GABRB1: variants seen among roughly 807,000 people sequenced by gnomAD.
GABRB1 encodes gamma-aminobutyric acid receptor subunit beta-1.
GABRB1 carries 17 observed loss-of-function variants against 51.6 expected under a neutral mutation model. The ratio of observed to expected loss-of-function variants is 0.33; its 90% confidence interval spans 0.23 to 0.49. GABRB1 has a LOEUF of 0.49. Ranked by LOEUF, GABRB1 falls within the 20% of genes least tolerant of loss-of-function variation. The pLI is 0.99. For synonymous variants in GABRB1, 247 were observed against 218.9 expected, an observed-to-expected ratio of 1.13 and a Z score of -1.14; for missense variants, 410 against 600.6, an observed-to-expected ratio of 0.68 and a Z score of 3.32.
chr4:47,162,117 T>C (rs1717980987), intron 4 of GABRB1, among the ~76,000 whole-genome samples: 1 of 152,084 alleles, frequency 6.6e-6, no homozygotes, highest in Non-Finnish European at 1.5e-5. Context: ...TCAACTTCAG[T>C]TAAAAATCTC....
At chr4:47,271,872 G>C (rs1405145512) in intron 4 of GABRB1, among the ~76,000 whole-genome samples, 1 of 152,150 alleles carries the variant, frequency 6.6e-6, no homozygotes, top group Admixed American at 6.6e-5. Context: ...ATATCAGGGA[G>C]AAAATATTCT....
At chr4:47,317,674 T>C (rs1724941484) in intron 4 of GABRB1, among the ~76,000 whole-genome samples, 1 of 151,944 alleles carries the variant, frequency 6.6e-6, no homozygotes. Flanking sequence ...TCAAAAGGTA[T>C]GTGAAAATGT....
chr4:47,145,517 C>T (rs914903113), intron 3 of GABRB1, among the ~76,000 whole-genome samples: 9 of 152,000 alleles, frequency 5.9e-5, no homozygotes, highest in African/African-American at 1.4e-4. Context: ...CATGCATAAA[C>T]TTATCGCCCC....
At chr4:47,184,433 T>C (rs574762881) in intron 4 of GABRB1, among the ~76,000 whole-genome samples, 6 of 151,988 alleles carry the variant, frequency 3.9e-5, no homozygotes, top group African/African-American at 1.4e-4. Context: ...GACGGGGAAA[T>C]GATTGGATTC....
chr4:47,306,389 T>A, intron 4 of GABRB1, among the ~76,000 whole-genome samples: 1 of 145,948 alleles, frequency 6.9e-6, no homozygotes, highest in African/African-American at 2.6e-5. Flanking sequence ...GGGGTAGAGA[T>A]AGAAGGTGCG....
At chr4:47,146,344 T>C (rs1374396163) in intron 3 of GABRB1, among the ~76,000 whole-genome samples, 7 of 151,962 alleles carry the variant, frequency 4.6e-5, no homozygotes, top group East Asian at 1.9e-4. Context: ...TTGGTAGTCA[T>C]GATAATGCGT....
intron 4 of GABRB1, among the ~76,000 whole-genome samples, chr4:47,212,014 T>C (rs1720376405): frequency 6.6e-6 from 1 of 152,064 alleles, no homozygotes; most frequent in Non-Finnish European, 1.5e-5. Context: ...CATTCACAGG[T>C]TCTGAGGATT....
chr4:47,297,886 T>C (rs1437208273), intron 4 of GABRB1, among the ~76,000 whole-genome samples: 2 of 152,172 alleles, frequency 1.3e-5, no homozygotes, highest in African/African-American at 4.8e-5. Context: ...AAAAAGCTTA[T>C]CCACCATGAT....
At chr4:47,116,009 A>T (rs1715462179) in intron 3 of GABRB1, among the ~76,000 whole-genome samples, 1 of 152,146 alleles carries the variant, frequency 6.6e-6, no homozygotes, top group Non-Finnish European at 1.5e-5. Context: ...TATTTTCTAC[A>T]TTTAACCAAT....
intron 5 of GABRB1, among the ~76,000 whole-genome samples, chr4:47,385,141 A>C (rs1423349935): frequency 6.6e-6 from 1 of 152,224 alleles, no homozygotes; most frequent in African/African-American, 2.4e-5. Context: ...AATTACTGGC[A>C]GAGGCAACAT....
chr4:47,213,016 G>A (rs924404956), intron 4 of GABRB1, among the ~76,000 whole-genome samples: 2 of 152,016 alleles, frequency 1.3e-5, no homozygotes, highest in African/African-American at 4.8e-5. Flanking sequence ...CCTTCTGCCT[G>A]GAATTGTTTT....
At chr4:47,078,858 G>C (rs541742811) in intron 3 of GABRB1, among the ~76,000 whole-genome samples, 1 of 152,078 alleles carries the variant, frequency 6.6e-6, no homozygotes, top group Admixed American at 6.6e-5. Flanking sequence ...AGTCTCCAGA[G>C]TCCATTTCTT....
chr4:47,009,017 C>T (rs1724505299), intron 1 of GABRB1, among the ~76,000 whole-genome samples: 1 of 148,584 alleles, frequency 6.7e-6, no homozygotes, highest in East Asian at 2.0e-4. Context: ...GCGCCCACCA[C>T]CACGCCCGGC....
chr4:47,368,106 C>A (rs1373501062), intron 5 of GABRB1, among the ~76,000 whole-genome samples: 2 of 152,194 alleles, frequency 1.3e-5, no homozygotes, highest in Non-Finnish European at 2.9e-5. Context: ...TATATCTCTA[C>A]TACCATCCAG....
rs145458104 is a variant in GABRB1 at position 47,073,019 on chromosome 4, A to G, written c.240+40535A>G. On this transcript the variant is annotated intron_variant, in intron 3 of 8. Transcript: ENST00000295454. ...AATTCTTATTATAGACCTATAGACTATCACCTATCAGAAAACCTATTAAAA... is the reference window on the plus strand; with the variant it reads ...AATTCTTATTATAGACCTATAGACTGTCACCTATCAGAAAACCTATTAAAA... Among the ~76,000 whole-genome samples the G allele has an allele frequency of 5.2e-3, 789 of 152,318 alleles. 7 individuals carry two copies. Among genetic ancestry groups the G allele is most frequent in the African/African-American group, 0.018 (746 of 41,572 alleles).
intron 4 of GABRB1, among the ~76,000 whole-genome samples, chr4:47,318,231 CT>C (rs1389487209): frequency 6.6e-6 from 1 of 151,930 alleles, no homozygotes; most frequent in Non-Finnish European, 1.5e-5. Flanking sequence ...GTATGCAAAG[CT>C]TTTAGCCCAG....
chr4:47,263,782 A>G (rs1722544345), intron 4 of GABRB1, among the ~76,000 whole-genome samples: 1 of 152,180 alleles, frequency 6.6e-6, no homozygotes. Context: ...ATTCTTATGT[A>G]TCTATACAAA....
chr4:47,016,161 A>G (rs975692008), intron 1 of GABRB1, among the ~76,000 whole-genome samples: 1 of 152,210 alleles, frequency 6.6e-6, no homozygotes, highest in African/African-American at 2.4e-5. Flanking sequence ...TGAAGAAAAA[A>G]CAATAGAAAT....
chr4:47,380,006 A>C (rs1050873699), intron 5 of GABRB1, among the ~76,000 whole-genome samples: 1 of 152,200 alleles, frequency 6.6e-6, no homozygotes, highest in African/African-American at 2.4e-5. Context: ...TGACCCATTA[A>C]AGACACTAAA....
Sources: gnomAD v4.1 joint callset for allele counts (sites outside exome capture counted in the v4.1 genomes callset) on GRCh38, gnomAD v4.1.1 for gene constraint, MANE v1.5 for transcripts, NCBI Gene and HGNC (gene_info 2026-07-23, HGNC 2026-07-21) for gene names.